Variants in ZDHHC11 observed in about 807,000 individuals in gnomAD.
The protein encoded by ZDHHC11 is palmitoyltransferase ZDHHC11.
In ZDHHC11, 44 loss-of-function variants were observed where a neutral mutation model predicts 51.3. The observed-to-expected ratio is 0.86, with a 90% CI of 0.67 to 1.10. The LOEUF is 1.10. Ranked by LOEUF, ZDHHC11 falls within the 50% of genes least tolerant of loss-of-function variation. The pLI is 0.00. For missense variants in ZDHHC11, 400 were observed against 537.7 expected (o/e 0.74, Z 2.53); for synonymous variants, 163 against 222.0 (o/e 0.73, Z 2.36).
Position 818,733 on chromosome 5 carries a change from C to T in ZDHHC11, c.1146+792G>A, listed in dbSNP as rs367637617. 1.1e-4 allele frequency among the ~76,000 whole-genome samples: 17 copies of T among 151,420 alleles called. 1 individual carries two copies. In the East Asian group the frequency reaches 2.3e-3, roughly 21 times the overall value. ...TAAATTGGCTGGGTGTGGTGGCACA[C>T]GCCTGTAGTTTCAGCTACTCGGGAG... On this transcript the variant is annotated intron_variant, in intron 10 of 12. Transcript: ENST00000283441.
chr5:850,745 A>T lies in ZDHHC11; in HGVS notation c.-143T>A. The T allele has an allele frequency of 9.8e-7, 1 of 1,023,702 alleles. No individual in the cohort carries two copies. The highest frequency in any genetic ancestry group is 1.4e-6 in the Non-Finnish European group (1 of 710,378). The allele number at this position is 1,023,702 out of a possible 1,614,324, so 63.4% of individuals were successfully genotyped here. ...CAATGGCCCAGCACTGCCTGGGGCC[A>T]CGTTCCCCGCAGAGGGAGCAGGGGC... On this transcript the variant is annotated 5_prime_UTR_variant, in exon 1 of 13. Transcript: ENST00000283441.
chr5:806,362 A>T (rs1231252416), intron 11 of ZDHHC11, among the ~76,000 whole-genome samples: 1 of 151,284 alleles, frequency 6.6e-6, no homozygotes, highest in African/African-American at 2.4e-5. Flanking sequence ...GAATGAAGTT[A>T]GATCTCTACC....
chr5:857,339 A>G (rs1748398336), intron 1 of ZDHHC11, among the ~76,000 whole-genome samples: 3 of 152,120 alleles, frequency 2.0e-5, no homozygotes, highest in Admixed American at 2.0e-4. Flanking sequence ...CTGGGACTCC[A>G]TCCTTCTCTG....
At chr5:829,855 T>C (rs1036964579) in intron 7 of ZDHHC11, among the ~76,000 whole-genome samples, 1 of 151,428 alleles carries the variant, frequency 6.6e-6, no homozygotes, top group Non-Finnish European at 1.5e-5. Flanking sequence ...TCAATAAATG[T>C]GATACCTCAC....
intron 11 of ZDHHC11, among the ~76,000 whole-genome samples, chr5:803,851 T>A (rs1738841327): frequency 6.7e-6 from 1 of 149,774 alleles, no homozygotes; most frequent in Non-Finnish European, 1.5e-5. Context: ...GGAAAGTACA[T>A]AACTGAAATA....
At chr5:843,139 C>G (rs187864418) in intron 4 of ZDHHC11, among the ~76,000 whole-genome samples, 3 of 151,892 alleles carry the variant, frequency 2.0e-5, no homozygotes, top group Non-Finnish European at 4.4e-5. Context: ...GCCCAGGCTC[C>G]GGGCCCACTT....
At chr5:834,626 G>T (rs1743557851) in intron 6 of ZDHHC11, among the ~76,000 whole-genome samples, 1 of 152,304 alleles carries the variant, frequency 6.6e-6, no homozygotes, top group South Asian at 2.1e-4. Flanking sequence ...GGCTTGCACA[G>T]GAATGAACAC....
intron 11 of ZDHHC11, 141 bp downstream of exon 11, chr5:814,620 T>G: frequency 1.1e-6 from 1 of 951,438 alleles, no homozygotes; most frequent in Non-Finnish European, 1.5e-6. Flanking sequence ...TGGCTATAAA[T>G]GTTCAGAGAA....
intron 1 of ZDHHC11, 151 bp from the exon 2 acceptor site, chr5:848,811 C>T: frequency 8.4e-7 from 1 of 1,193,300 alleles, no homozygotes; most frequent in Non-Finnish European, 1.2e-6. Flanking sequence ...CAGGCCTGGC[C>T]CTGCTCACAC....
At chr5:801,656 T>C (rs1738439756) in intron 11 of ZDHHC11, among the ~76,000 whole-genome samples, 1 of 151,254 alleles carries the variant, frequency 6.6e-6, no homozygotes, top group Non-Finnish European at 1.5e-5. Flanking sequence ...GCTAATGACT[T>C]GATTGTTTAT....
chr5:800,677 T>C (rs1239303993), intron 12 of ZDHHC11, among the ~76,000 whole-genome samples: 3 of 151,446 alleles, frequency 2.0e-5, no homozygotes, highest in Non-Finnish European at 4.4e-5. Context: ...CTGCATTCTA[T>C]GGATCGTCCT....
At chr5:831,165 G>A (rs1438012931) in intron 7 of ZDHHC11, among the ~76,000 whole-genome samples, 1 of 149,206 alleles carries the variant, frequency 6.7e-6, no homozygotes, top group Non-Finnish European at 1.5e-5. Context: ...CTTCTGCACA[G>A]GAAAAGAAGT....
At chr5:837,821 C>T (rs1276277393) in intron 5 of ZDHHC11, among the ~76,000 whole-genome samples, 1 of 151,966 alleles carries the variant, frequency 6.6e-6, no homozygotes, top group Non-Finnish European at 1.5e-5. Flanking sequence ...CTATACCATG[C>T]AGCTTGAGAG....
intron 3 of ZDHHC11, among the ~76,000 whole-genome samples, chr5:844,400 C>T (rs1216971348): frequency 3.3e-5 from 5 of 152,280 alleles, no homozygotes; most frequent in Non-Finnish European, 7.3e-5. Context: ...CGGTGCGACT[C>T]GCCCAAGCCT....
chr5:803,373 T>A (rs143982131), intron 11 of ZDHHC11, among the ~76,000 whole-genome samples: 1,797 of 151,160 alleles, frequency 0.012, 65 homozygotes, highest in African/African-American at 0.042. Flanking sequence ...TTTGAGGAAA[T>A]CTTTGATAGT....
intron 10 of ZDHHC11, 109 bp downstream of exon 10, chr5:819,416 A>C: frequency 8.4e-7 from 1 of 1,193,996 alleles, no homozygotes. Context: ...CCTTGGACAC[A>C]GAGTGCTTCC....
At chr5:856,201 C>A (rs894149944) in intron 1 of ZDHHC11, among the ~76,000 whole-genome samples, 5 of 151,430 alleles carry the variant, frequency 3.3e-5, no homozygotes, top group Admixed American at 2.0e-4. Flanking sequence ...ACACCACACA[C>A]CACACAACAC....
upstream of ZDHHC11, among the ~76,000 whole-genome samples, chr5:854,121 C>CCAG (rs1747758184): frequency 2.0e-5 from 2 of 100,736 alleles, no homozygotes. Flanking sequence ...CAGTGAGGAG[C>CCAG]GGGGACAGAC....
chr5:819,232 A>G (rs1741240217), intron 10 of ZDHHC11, among the ~76,000 whole-genome samples: 2 of 151,556 alleles, frequency 1.3e-5, no homozygotes, highest in South Asian at 2.1e-4. Flanking sequence ...TGGGCACTTC[A>G]GAGCCTGCCC....
Sources: allele counts gnomAD v4.1 joint callset (sites outside exome capture counted in the v4.1 genomes callset), GRCh38; gene constraint gnomAD v4.1.1; transcripts MANE v1.5; gene names NCBI Gene and HGNC (gene_info 2026-07-23, HGNC 2026-07-21).